Variants in WDR62 observed in about 807,000 individuals in gnomAD.
WDR62 encodes WD repeat-containing protein 62.
WDR62 carries 112 observed loss-of-function variants against 160.6 expected under a neutral mutation model. That is an observed-to-expected ratio of 0.70 (90% CI 0.60 to 0.82). The LOEUF is 0.82. Among genes scored for constraint, WDR62 ranks in the 40% least tolerant of loss-of-function variants. The pLI is 0.00. For missense variants in WDR62, 1,819 were observed against 1,983.8 expected, an observed-to-expected ratio of 0.92 and a Z score of 1.58; for synonymous variants, 792 against 815.1, an observed-to-expected ratio of 0.97 and a Z score of 0.48.
chr19:36,101,204 G>A lies in WDR62; in HGVS notation c.2868-10G>A, dbSNP rs763986832. On this transcript the variant is annotated splice_polypyrimidine_tract_variant and intron_variant, in intron 23 of 31. Transcript: ENST00000401500. ...TCCTTGTTCCCTCTCTGCCCCCACTGGCACTGCAGCCAGTATTGCAGGAAG... is the reference window on the plus strand; with the variant it reads ...TCCTTGTTCCCTCTCTGCCCCCACTAGCACTGCAGCCAGTATTGCAGGAAG... 2 of 1,608,278 alleles carry A rather than the reference G, an allele frequency of 1.2e-6. No homozygotes were observed. Among genetic ancestry groups the A allele is most frequent in the Non-Finnish European group, 1.7e-6 (2 of 1,177,780 alleles).
chr19:36,100,819 C>T lies in WDR62; in HGVS notation c.2811C>T (p.Ala937=), dbSNP rs145811713. The part of the protein sequence containing the change: ...FLPQQKESSE[A]SELILYSLEA... Reference sequence around the variant, plus strand: ...CCCAGCAGAAGGAATCATCTGAGGCCAGTGAGCTCATCCTCTACTCTCTGG... The same window carrying T: ...CCCAGCAGAAGGAATCATCTGAGGCTAGTGAGCTCATCCTCTACTCTCTGG... The change falls in exon 23 of 32, where the codon GCC becomes GCT. Residue 937 remains alanine (A), a synonymous_variant. Coordinates refer to ENST00000401500, the MANE Select transcript of WDR62 (RefSeq NM_001083961.2). 2 of 1,614,220 alleles carry T rather than the reference C, an allele frequency of 1.2e-6. No homozygotes were observed. Among genetic ancestry groups the T allele is most frequent in the African/African-American group, 2.7e-5 (2 of 75,058 alleles).
At chr19:36,078,730 G>A (rs1417929013) in intron 9 of WDR62, among the ~76,000 whole-genome samples, 1 of 151,368 alleles carries the variant, frequency 6.6e-6, no homozygotes, top group Non-Finnish European at 1.5e-5. Flanking sequence ...CAGCTACTTG[G>A]GGGGCTGAGG....
At chr19:36,072,817 CAT>C (rs774923340) in intron 8 of WDR62, among the ~76,000 whole-genome samples, 7 of 152,164 alleles carry the variant, frequency 4.6e-5, no homozygotes, top group East Asian at 1.9e-4. Flanking sequence ...TCCGTTTTCT[CAT>C]GTGTAAAATA....
rs113136051 is a variant in WDR62 at position 36,102,551 on chromosome 19, G to A, written c.3221-186G>A. On this transcript the variant is annotated intron_variant, in intron 26 of 31. Coordinates refer to ENST00000401500, the MANE Select transcript of WDR62 (RefSeq NM_001083961.2). ...GCTGGGATTACAGGCGTGAGCCACC[G>A]TGCCCGGCCCACTGCTTCACTCTTG... 7.1e-4 allele frequency: 444 copies of A among 624,432 alleles called. 2 individuals are homozygous for A. In the African/African-American group the frequency reaches 7.2e-3, roughly 10 times the overall value. The allele number at this position is 624,432 out of a possible 1,614,324, so 38.7% of individuals were successfully genotyped here. A position where few individuals can be genotyped will look rare whatever the true frequency, so the allele number is the denominator to read the frequency against.
chr19:36,090,072 G>T (rs1436079239), intron 15 of WDR62, among the ~76,000 whole-genome samples: 6 of 152,118 alleles, frequency 3.9e-5, no homozygotes, highest in African/African-American at 1.2e-4. Context: ...GACCCCACCT[G>T]CGGATCAAGC....
At chr19:36,077,904 C>G (rs1341566674) in intron 9 of WDR62, among the ~76,000 whole-genome samples, 3 of 151,600 alleles carry the variant, frequency 2.0e-5, no homozygotes, top group African/African-American at 7.3e-5. Context: ...CCTGAATATT[C>G]CTTATAAGTG....
chr19:36,068,897 G>T (rs1359204784), intron 7 of WDR62, among the ~76,000 whole-genome samples: 1 of 152,120 alleles, frequency 6.6e-6, no homozygotes, highest in Admixed American at 6.5e-5. Context: ...GGTGGTGGCC[G>T]GGCAGAGGGG....
rs780079007 is a variant in WDR62 at position 36,103,934 on chromosome 19, G to A, written c.4106G>A (p.Arg1369Gln). The A allele has an allele frequency of 2.0e-5, 32 of 1,598,902 alleles. No homozygotes were observed. The highest frequency in any genetic ancestry group is 4.4e-5 in the South Asian group (4 of 91,074). ...AGTAACCCCCAGCTTCCAGAGGCCCGGCCTGGCATCCCTGGCGGCACTGCC... is the reference window on the plus strand; with the variant it reads ...AGTAACCCCCAGCTTCCAGAGGCCCAGCCTGGCATCCCTGGCGGCACTGCC... ...HPSNPQLPEARPGIPGGTASL... is the reference protein window; with the variant it reads ...HPSNPQLPEAQPGIPGGTASL... Residue 1369 changes from arginine to glutamine, a missense_variant, in exon 30 of 32, where the codon CGG becomes CAG. Physicochemically the swap from Arg to Gln is conservative, Grantham distance 43 (BLOSUM62 1). Around this residue, in one of 3 missense-constraint regions of WDR62, gnomAD observed 770 missense variants for 734.2 expected, o/e 1.05. Transcript: ENST00000401500.
intron 20 of WDR62, among the ~76,000 whole-genome samples, chr19:36,096,247 C>T (rs115680793): frequency 5.9e-5 from 9 of 152,202 alleles, no homozygotes; most frequent in African/African-American, 2.2e-4. Flanking sequence ...CAAGCTCCCA[C>T]ACCCAGCTAA....
chr19:36,084,650 C>T lies in WDR62; in HGVS notation c.1551-3C>T. On this transcript the variant is annotated splice_region_variant and splice_polypyrimidine_tract_variant and intron_variant, in intron 11 of 31. Transcript: ENST00000401500. ...GCTTCAGCGGGCGGTGTGTGTCTCC[C>T]AGGATCCACGAGCTGCACTTCATGG... is the stretch of plus-strand genomic sequence containing the variant. 1 of 1,613,702 alleles carries T rather than the reference C, an allele frequency of 6.2e-7. No individual in the cohort carries two copies. The highest frequency in any genetic ancestry group is 1.1e-5 in the South Asian group (1 of 91,066).
chr19:36,086,180 C>T (rs1421628590), intron 12 of WDR62, among the ~76,000 whole-genome samples: 1 of 152,130 alleles, frequency 6.6e-6, no homozygotes, highest in East Asian at 1.9e-4. Flanking sequence ...CTGATCTCCC[C>T]TCTGCCTCAG....
rs187690286 is a variant in WDR62, at chr19:36,083,423, G to T, written c.1550+182G>T. 1.1e-4 allele frequency among the ~76,000 whole-genome samples: 16 copies of T among 152,322 alleles called. No homozygotes were observed. The East Asian group carries it at 1.9e-3, about 18-fold the overall frequency. The stretch of plus-strand genomic sequence containing the variant: ...AAGCTCGTAAGAGGCTTCCAGAAGG[G>T]CTGAGAGCAGAGTAACTACCAGGAC... On this transcript the variant is annotated intron_variant, in intron 11 of 31. Coordinates refer to ENST00000401500, the MANE Select transcript of WDR62 (RefSeq NM_001083961.2).
chr19:36,101,295 A>C lies in WDR62; in HGVS notation c.2949A>C (p.Pro983=), dbSNP rs1208126255. The stretch of plus-strand genomic sequence containing the variant: ...ACCTCAGGGTGTCCTCCGACAGCCC[A>C]AAGGACCAGAGCCCGCCTGAGGGTG... The part of the protein sequence containing the change: ...DSYLRVSSDS[P]KDQSPPEDSG... Residue 983 remains proline, a synonymous_variant, in exon 24 of 32, where the codon CCA becomes CCC. Coordinates refer to ENST00000401500, the MANE Select transcript of WDR62 (RefSeq NM_001083961.2). 2.5e-6 allele frequency: 4 copies of C among 1,611,782 alleles called. No individual in the cohort carries two copies. The highest frequency in any genetic ancestry group is 1.6e-4 in the Middle Eastern group (1 of 6,082).
intron 15 of WDR62, 135 bp from the exon 16 acceptor site, chr19:36,090,310 G>C (rs1568355388): frequency 2.2e-5 from 18 of 807,410 alleles, no homozygotes; most frequent in Non-Finnish European, 3.7e-5. Context: ...TGGGGTTTCA[G>C]TTTCAGTCTA....
chr19:36,078,040 C>T (rs1273587684), intron 9 of WDR62, among the ~76,000 whole-genome samples: 2 of 152,092 alleles, frequency 1.3e-5, no homozygotes, highest in African/African-American at 4.8e-5. Context: ...TTTCATTGTA[C>T]GGATAGAACA....
chr19:36,089,044 G>A lies in WDR62; in HGVS notation c.1775G>A (p.Arg592Lys). The A allele has an allele frequency of 1.2e-6, 2 of 1,614,092 alleles. No homozygotes were observed. The highest frequency in any genetic ancestry group is 1.7e-6 in the Non-Finnish European group (2 of 1,180,040). ...SITAIKFAGNRDIQMISCGAD... is the reference protein window; with the variant it reads ...SITAIKFAGNKDIQMISCGAD... ...CAGCGTCCTCCTCCCCTAGGCAACAGAGACATCCAGATGATCAGCTGTGGG... is the reference window on the plus strand; with the variant it reads ...CAGCGTCCTCCTCCCCTAGGCAACAAAGACATCCAGATGATCAGCTGTGGG... The change falls in exon 14 of 32, where the codon AGA becomes AAA. Residue 592 changes from arginine to lysine, a missense_variant. This residue lies in a region of WDR62 where 934 missense variants were observed against 1,157.2 expected (regional missense o/e 0.81). Coordinates refer to ENST00000401500, the MANE Select transcript of WDR62 (RefSeq NM_001083961.2).
chr19:36,089,162 G>T, intron 14 of WDR62, 23 bp from the exon 15 acceptor site: 3 of 1,613,378 alleles, frequency 1.9e-6, no homozygotes, highest in Non-Finnish European at 2.5e-6. Context: ...GGCATTCTCT[G>T]AAGGTCCTGC....
At chr19:36,065,032 T>C (rs574951545) in intron 3 of WDR62, among the ~76,000 whole-genome samples, 1 of 152,274 alleles carries the variant, frequency 6.6e-6, no homozygotes, top group South Asian at 2.1e-4. Flanking sequence ...TGACGAGTAT[T>C]TCAGGAAGTC....
At chr19:36,058,424 C>G (rs1377717411) in intron 1 of WDR62, among the ~76,000 whole-genome samples, 1 of 152,220 alleles carries the variant, frequency 6.6e-6, no homozygotes, top group African/African-American at 2.4e-5. Flanking sequence ...GCCCCCTTCC[C>G]CTGTGCTCCT....
Sources: gnomAD v4.1 joint callset for allele counts (sites outside exome capture counted in the v4.1 genomes callset) on GRCh38, gnomAD v4.1.1 for gene constraint, gnomAD v4.1.1 regional missense constraint, MANE v1.5 for transcripts, NCBI Gene and HGNC (gene_info 2026-07-23, HGNC 2026-07-21) for gene names.